Variants in CDKN2B-AS1 observed in about 807,000 individuals in gnomAD.
CDKN2B-AS1 encodes the protein CDKN2B and CDKN2A antisense cis and trans regulatory RNA 1.
chr9:22,001,308 A>G lies in CDKN2B-AS1; in HGVS notation n.29+6147A>G, dbSNP rs1352973713. ...TTCTGTGCCAGAGCTGACTCCATAT[A>G]TCTACTGGAAGTCTAATGCCAGGGG... On this transcript the variant is annotated intron_variant and non_coding_transcript_variant, in intron 1 of 4. Transcript: ENST00000650946. The surrounding 1 kb of genome is among the most constrained non-coding windows in gnomAD (Gnocchi z 4.2). 6.6e-6 allele frequency among the ~76,000 whole-genome samples: 1 copy of G among 152,186 alleles called. No homozygotes were observed. The highest frequency in any genetic ancestry group is 1.5e-5 in the Non-Finnish European group (1 of 67,994).
chr9:22,082,629 G>C (rs1268427640), intron 4 of CDKN2B-AS1, among the ~76,000 whole-genome samples: 2 of 152,162 alleles, frequency 1.3e-5, no homozygotes, highest in Non-Finnish European at 2.9e-5. Context: ...TTTAAGTACT[G>C]GCTAGGAAAT....
At chr9:22,022,026 G>T (rs1457223943) in intron 1 of CDKN2B-AS1, among the ~76,000 whole-genome samples, 1 of 152,120 alleles carries the variant, frequency 6.6e-6, no homozygotes, top group Non-Finnish European at 1.5e-5. Flanking sequence ...GAGACAGTTT[G>T]TTATGATTTC....
At position 21,999,727 on chromosome 9, in the gene CDKN2B-AS1, C is replaced by CT. The variant is rs762964072; in HGVS notation, n.29+4573dup. ...AATGATTGACATGCTTGTGAGGAGACTTTTTTTGTTGTTGTTGTTGTTAGG... is the reference window on the plus strand; with the variant it reads ...AATGATTGACATGCTTGTGAGGAGACTTTTTTTTGTTGTTGTTGTTGTTAGG... On this transcript the variant is annotated intron_variant and non_coding_transcript_variant, in intron 1 of 4. Transcript: ENST00000650946. This position sits in a 1 kb window ranked among gnomAD's most constrained non-coding sequence, Gnocchi z 4.7. Among the ~76,000 whole-genome samples the CT allele has an allele frequency of 1.1e-4, 16 of 152,042 alleles. No homozygotes were observed. The East Asian group carries it at 2.1e-3, about 20-fold the overall frequency.
intron 4 of CDKN2B-AS1, among the ~76,000 whole-genome samples, chr9:22,074,002 T>C (rs975871227): frequency 1.3e-5 from 2 of 152,050 alleles, no homozygotes; most frequent in Admixed American, 1.3e-4. Context: ...TAGTTTGGAC[T>C]ACAGGTGTGT....
chr9:22,071,326 G>C (rs1193537503), intron 4 of CDKN2B-AS1, among the ~76,000 whole-genome samples: 1 of 112,108 alleles, frequency 8.9e-6, no homozygotes, highest in Non-Finnish European at 1.7e-5. Context: ...TAGACACGGA[G>C]TCTTGCTCTG....
chr9:22,028,113 A>G (rs1293144343), intron 1 of CDKN2B-AS1, among the ~76,000 whole-genome samples: 1 of 152,154 alleles, frequency 6.6e-6, no homozygotes, highest in East Asian at 1.9e-4. Context: ...ATTTGTCAGG[A>G]TATTTCACAG....
chr9:22,111,811 G>A (rs914365998), intron 4 of CDKN2B-AS1, among the ~76,000 whole-genome samples: 1 of 152,178 alleles, frequency 6.6e-6, no homozygotes, highest in African/African-American at 2.4e-5. Context: ...ATTATGGGCT[G>A]CTATAATCAA....
chr9:22,007,461 T>C (rs1487294906), intron 1 of CDKN2B-AS1, among the ~76,000 whole-genome samples: 2 of 152,228 alleles, frequency 1.3e-5, no homozygotes, highest in Non-Finnish European at 2.9e-5. Flanking sequence ...GGAGTAATCC[T>C]GTAGCAGCCA....
intron 1 of CDKN2B-AS1, among the ~76,000 whole-genome samples, chr9:22,007,528 GAC>G (rs1382125759): frequency 1.3e-5 from 2 of 152,094 alleles, no homozygotes; most frequent in African/African-American, 2.4e-5. Context: ...TCAATTATAA[GAC>G]AATTTTTGGT....
rs1463551005 is a variant in CDKN2B-AS1, at chr9:22,015,922, G to A, written n.29+20761G>A. ...TGAGAAGTGTCTGTTCATATCCTTC[G>A]CCCATTTTTTGATGGGGTTGTTTGT... On this transcript the variant is annotated intron_variant and non_coding_transcript_variant, in intron 1 of 4. Transcript: ENST00000650946. Among the ~76,000 whole-genome samples the A allele has an allele frequency of 1.3e-5, 2 of 152,094 alleles. 1 individual carries two copies. The highest frequency in any genetic ancestry group is 2.9e-5 in the Non-Finnish European group (2 of 68,026).
Position 22,040,048 on chromosome 9 carries a change from T to A in CDKN2B-AS1, n.30-6703T>A, listed in dbSNP as rs142592006. 3.7e-3 allele frequency among the ~76,000 whole-genome samples: 556 copies of A among 152,134 alleles called. 1 individual carries two copies. Among genetic ancestry groups the A allele is most frequent in the Non-Finnish European group, 5.0e-3 (340 of 67,942 alleles). Reference sequence around the variant, plus strand: ...CAGAAGCTACGGAAGAGACCTTGAATAAATTCTTCCCTGTAGCCTTGAGGG... The same window carrying A: ...CAGAAGCTACGGAAGAGACCTTGAAAAAATTCTTCCCTGTAGCCTTGAGGG... On this transcript the variant is annotated intron_variant and non_coding_transcript_variant, in intron 1 of 4. Transcript: ENST00000650946.
intron 1 of CDKN2B-AS1, chr9:22,004,479 AC>A (rs1821071562): frequency 4.3e-6 from 1 of 232,458 alleles, no homozygotes; most frequent in Non-Finnish European, 8.5e-6. Context: ...AGAGAAGGGA[AC>A]CCCTGTGAAC....
intron 1 of CDKN2B-AS1, chr9:22,012,586 C>G (rs1821560398): frequency 2.1e-6 from 1 of 472,274 alleles, no homozygotes; most frequent in Non-Finnish European, 3.9e-6. Context: ...CCCCATGGCC[C>G]TGGAGCCTCA....
At chr9:22,007,366 AT>A (rs1365847204) in intron 1 of CDKN2B-AS1, among the ~76,000 whole-genome samples, 3 of 144,210 alleles carry the variant, frequency 2.1e-5, no homozygotes, top group East Asian at 2.1e-4. Context: ...CTCAAAAAAA[AT>A]AAAATAAATA....
chr9:22,005,788 G>C lies in CDKN2B-AS1; in HGVS notation n.29+10627G>C. ...TGTGTTTCGCTTCATGGTGAGTGTC[G>C]AGGGCCAGATAAGACAAAGAAAAAA... On this transcript the variant is annotated intron_variant and non_coding_transcript_variant, in intron 1 of 4. Coordinates refer to ENST00000650946, the Ensembl canonical transcript of CDKN2B-AS1. The surrounding 1 kb of genome is among the most constrained non-coding windows in gnomAD (Gnocchi z 4.9). 1 of 666,072 alleles carries C rather than the reference G, an allele frequency of 1.5e-6. No individual in the cohort carries two copies. Among genetic ancestry groups the C allele is most frequent in the Non-Finnish European group, 2.6e-6 (1 of 385,524 alleles). The allele number at this position is 666,072 out of a possible 1,614,324, so 41.3% of individuals were successfully genotyped here. A position where few individuals can be genotyped will look rare whatever the true frequency, so the allele number is the denominator to read the frequency against.
chr9:22,092,145 A>G (rs1825113105), intron 4 of CDKN2B-AS1, among the ~76,000 whole-genome samples: 3 of 152,170 alleles, frequency 2.0e-5, no homozygotes, highest in South Asian at 4.1e-4. Flanking sequence ...CGTATGTTGA[A>G]CAAGCCTTGC....
chr9:22,104,519 G>GAA (rs1432998678), intron 4 of CDKN2B-AS1, among the ~76,000 whole-genome samples: 1 of 152,104 alleles, frequency 6.6e-6, no homozygotes, highest in African/African-American at 2.4e-5. Context: ...CTGACATGAA[G>GAA]AAAAGCATGC....
At chr9:22,076,008 T>G (rs1308873461) in intron 4 of CDKN2B-AS1, among the ~76,000 whole-genome samples, 2 of 152,148 alleles carry the variant, frequency 1.3e-5, no homozygotes, top group African/African-American at 4.8e-5. Context: ...TCAGGTATGA[T>G]TGATAGGAAA....
intron 1 of CDKN2B-AS1, chr9:22,008,725 C>T (rs2131189343): frequency 6.2e-7 from 1 of 1,610,952 alleles, no homozygotes; most frequent in South Asian, 1.1e-5. Flanking sequence ...ATCTAGGTTC[C>T]AGCCCCGATC....
Sources: gnomAD v4.1 joint callset for allele counts (sites outside exome capture counted in the v4.1 genomes callset) on GRCh38, gnomAD v4.1.1 for gene constraint, Gnocchi (gnomAD v3.1) non-coding constraint, MANE v1.5 for transcripts, NCBI Gene and HGNC (gene_info 2026-07-23, HGNC 2026-07-21) for gene names.